TBC1D9: variants seen among roughly 807,000 people sequenced by gnomAD.
TBC1D9 encodes the protein TBC1 domain family member 9A.
Under a neutral mutation model 132.0 loss-of-function variants are expected in TBC1D9, and 63 were observed. That is an observed-to-expected ratio of 0.48 (90% CI 0.39 to 0.59). The LOEUF is 0.59. Ranked by LOEUF, TBC1D9 falls within the 20% of genes least tolerant of loss-of-function variation. TBC1D9 has a pLI of 0.00. For synonymous variants in TBC1D9, 610 were observed against 609.9 expected (o/e 1.00, Z 0.00); for missense variants, 1,261 against 1,592.7 (o/e 0.79, Z 3.54).
chr4:140,680,573 C>T (rs911417708), intron 3 of TBC1D9, among the ~76,000 whole-genome samples: 4 of 152,152 alleles, frequency 2.6e-5, no homozygotes, highest in Non-Finnish European at 5.9e-5. Flanking sequence ...TTGAATTCCA[C>T]CTTTGACTTT....
At chr4:140,722,836 T>C (rs1738444258) in intron 1 of TBC1D9, among the ~76,000 whole-genome samples, 1 of 152,186 alleles carries the variant, frequency 6.6e-6, no homozygotes, top group Non-Finnish European at 1.5e-5. Context: ...TTCTCCCCTG[T>C]CCTTTCCTTC....
At chr4:140,747,201 A>T (rs1738850095) in intron 1 of TBC1D9, among the ~76,000 whole-genome samples, 1 of 151,822 alleles carries the variant, frequency 6.6e-6, no homozygotes, top group African/African-American at 2.4e-5. Context: ...AATACAAAAA[A>T]ATTAGCCAGG....
intron 15 of TBC1D9, among the ~76,000 whole-genome samples, chr4:140,635,558 A>C (rs1363103852): frequency 6.6e-6 from 1 of 152,188 alleles, no homozygotes; most frequent in African/African-American, 2.4e-5. Flanking sequence ...TTTCTGAAAA[A>C]GAGGAGAGTC....
chr4:140,676,762 C>T lies in TBC1D9; in HGVS notation c.1059+132G>A, dbSNP rs996857281. On this transcript the variant is annotated intron_variant, in intron 6 of 20. Transcript: ENST00000442267. ...AGCAGTGACAACAAATGAAAGAATG[C>T]AGGTGCCACCAAAGACGCATGAACA... 10 of 1,219,692 alleles carry T rather than the reference C, an allele frequency of 8.2e-6. 1 individual carries two copies. The Admixed American group carries it at 2.2e-4, about 27-fold the overall frequency. 75.6% of individuals were successfully genotyped at this position (1,219,692 alleles called of 1,614,324 possible). A position where few individuals can be genotyped will look rare whatever the true frequency, so the allele number is the denominator to read the frequency against.
At chr4:140,633,801 T>A in intron 16 of TBC1D9, 147 bp downstream of exon 16, 1 of 898,526 alleles carries the variant, frequency 1.1e-6, no homozygotes, top group Non-Finnish European at 1.7e-6. Context: ...CAACGATTTA[T>A]CCATATACTA....
At chr4:140,622,961 G>C (rs772420069) in intron 20 of TBC1D9, 44 bp from the exon 21 acceptor site, 48 of 1,466,836 alleles carry the variant, frequency 3.3e-5, no homozygotes, top group Non-Finnish European at 4.2e-5. Flanking sequence ...TCTTGGGGGA[G>C]CAGAAAGGCA....
intron 13 of TBC1D9, chr4:140,642,418 C>T: frequency 1.1e-6 from 1 of 880,600 alleles, no homozygotes. Context: ...CAGCACCTTC[C>T]TGTCCTTGCC....
At chr4:140,643,129 C>T in intron 13 of TBC1D9, 3 of 1,420,578 alleles carry the variant, frequency 2.1e-6, no homozygotes, top group Non-Finnish European at 2.9e-6. Flanking sequence ...GGTCCCACCA[C>T]GGGCCCATCC....
chr4:140,657,435 T>C lies in TBC1D9; in HGVS notation c.2207+92A>G, dbSNP rs1737290767. The C allele has an allele frequency of 3.5e-6, 5 of 1,414,320 alleles. No homozygotes were observed. The South Asian group carries it at 7.0e-5, about 20-fold the overall frequency. 87.6% of individuals were successfully genotyped at this position (1,414,320 alleles called of 1,614,324 possible). Reference sequence around the variant, plus strand: ...CCACAGGAAGAAGCGGGCATTATGATCACCATCAAATCAGTTAAGACTCAT... The same window carrying C: ...CCACAGGAAGAAGCGGGCATTATGACCACCATCAAATCAGTTAAGACTCAT... On this transcript the variant is annotated intron_variant, in intron 12 of 20. Transcript: ENST00000442267.
intron 13 of TBC1D9, chr4:140,645,521 C>T (rs747753911): frequency 2.0e-5 from 7 of 358,692 alleles, no homozygotes; most frequent in East Asian, 7.5e-5. Flanking sequence ...TCCTCTCTTG[C>T]GAGAGCCTCT....
At position 140,622,742 on chromosome 4, in the gene TBC1D9, G is replaced by C. The variant is rs1368494936; in HGVS notation, c.3254C>G (p.Pro1085Arg). ...AKEGGSGGSGPSCHQGIPGVL... is the reference protein window; with the variant it reads ...AKEGGSGGSGRSCHQGIPGVL... Reference sequence around the variant, plus strand: ...GCCTGGGATGCCCTGGTGGCAGGACGGCCCACTGCCTCCGCTCCCGCCCTC... The same window carrying C: ...GCCTGGGATGCCCTGGTGGCAGGACCGCCCACTGCCTCCGCTCCCGCCCTC... Residue 1085 changes from proline to arginine, a missense_variant, in exon 21 of 21, where the codon CCG becomes CGG. Physicochemically the swap from Pro to Arg is moderately radical, Grantham distance 103 (BLOSUM62 -2). Around this residue, in one of 3 missense-constraint regions of TBC1D9, gnomAD observed 618 missense variants for 724.4 expected, o/e 0.85. Transcript: ENST00000442267. The C allele has an allele frequency of 2.5e-6, 4 of 1,607,574 alleles. No homozygotes were observed. The highest frequency in any genetic ancestry group is 3.4e-6 in the Non-Finnish European group (4 of 1,179,774).
chr4:140,691,352 T>C (rs73859307), intron 2 of TBC1D9, among the ~76,000 whole-genome samples: 5,064 of 152,300 alleles, frequency 0.033, 294 homozygotes, highest in African/African-American at 0.12. Flanking sequence ...TAAATGGCTC[T>C]TCCATTTCTC....
intron 13 of TBC1D9, among the ~76,000 whole-genome samples, chr4:140,655,388 AT>A (rs1268171460): frequency 7.2e-5 from 11 of 152,112 alleles, no homozygotes; most frequent in Non-Finnish European, 1.3e-4. Context: ...AAAGCACTAA[AT>A]TTTTTACTTT....
intron 1 of TBC1D9, among the ~76,000 whole-genome samples, chr4:140,744,541 C>T (rs147140638): frequency 2.1e-4 from 32 of 152,264 alleles, no homozygotes; most frequent in African/African-American, 7.7e-4. Flanking sequence ...GTAGAAAACA[C>T]TTGCCATCTA....
At chr4:140,673,312 C>T (rs965443233) in intron 6 of TBC1D9, among the ~76,000 whole-genome samples, 1 of 152,156 alleles carries the variant, frequency 6.6e-6, no homozygotes, top group Admixed American at 6.5e-5. Context: ...AACCTCCAGT[C>T]AATATTTCAG....
intron 1 of TBC1D9, among the ~76,000 whole-genome samples, chr4:140,734,930 CAAA>C (rs1173782677): frequency 6.6e-6 from 1 of 152,162 alleles, no homozygotes; most frequent in Admixed American, 6.6e-5. Context: ...AAAGCAGTCT[CAAA>C]GAAGTTAAGA....
intron 10 of TBC1D9, 109 bp from the exon 11 acceptor site, chr4:140,659,814 G>T: frequency 1.4e-6 from 1 of 706,820 alleles, no homozygotes; most frequent in Non-Finnish European, 2.4e-6. Flanking sequence ...AACCTTTTCT[G>T]TGAAAAGCGA....
chr4:140,679,586 G>A (rs1192906600), intron 4 of TBC1D9, 29 bp downstream of exon 4: 1 of 1,559,806 alleles, frequency 6.4e-7, no homozygotes, highest in East Asian at 2.2e-5. Context: ...ACTTTCCAAA[G>A]TTTCCTGCTG....
chr4:140,649,664 G>A (rs796520681), intron 13 of TBC1D9, among the ~76,000 whole-genome samples: 4 of 152,290 alleles, frequency 2.6e-5, no homozygotes, highest in African/African-American at 9.6e-5. Flanking sequence ...TATGGGGGTG[G>A]CGTCTGTCTG....
Sources: gnomAD v4.1 joint callset for allele counts (sites outside exome capture counted in the v4.1 genomes callset) on GRCh38, gnomAD v4.1.1 for gene constraint, gnomAD v4.1.1 regional missense constraint, MANE v1.5 for transcripts, NCBI Gene and HGNC (gene_info 2026-07-23, HGNC 2026-07-21) for gene names.